Variants in RBMS3 observed in about 807,000 individuals in gnomAD.
The protein encoded by RBMS3 is RNA-binding motif, single-stranded-interacting protein 3.
In RBMS3, 27 loss-of-function variants were observed where a neutral mutation model predicts 66.8. That is an observed-to-expected ratio of 0.40 (90% CI 0.30 to 0.56). RBMS3 has a LOEUF of 0.56. Among genes scored for constraint, RBMS3 ranks in the 20% least tolerant of loss-of-function variants. The pLI is 0.40. For missense variants in RBMS3, 513 were observed against 549.5 expected, an observed-to-expected ratio of 0.93 and a Z score of 0.66; for synonymous variants, 188 against 183.0, an observed-to-expected ratio of 1.03 and a Z score of -0.22.
intron 14 of RBMS3, among the ~76,000 whole-genome samples, chr3:29,999,115 C>T (rs1699445348): frequency 6.6e-6 from 1 of 151,444 alleles, no homozygotes; most frequent in Admixed American, 6.6e-5. Context: ...TATGATCAGA[C>T]ACTTCTCAAA....
intron 3 of RBMS3, among the ~76,000 whole-genome samples, chr3:29,506,884 G>T (rs149970707): frequency 1.3e-5 from 2 of 151,610 alleles, no homozygotes; most frequent in Non-Finnish European, 3.0e-5. Context: ...GTTCATAGAA[G>T]TCTCCTATGA....
chr3:29,663,764 A>T (rs939055918), intron 4 of RBMS3, among the ~76,000 whole-genome samples: 1 of 152,198 alleles, frequency 6.6e-6, no homozygotes, highest in African/African-American at 2.4e-5. Flanking sequence ...TTTAAAAAAA[A>T]ATTATATTTC....
chr3:29,614,602 G>A (rs1310946602), intron 4 of RBMS3: 1 of 152,072 alleles, frequency 6.6e-6, no homozygotes, highest in African/African-American at 2.4e-5. Flanking sequence ...AAATCAATGG[G>A]AGAAGGATGG....
At chr3:29,806,946 T>G (rs562918836) in intron 6 of RBMS3, among the ~76,000 whole-genome samples, 1 of 152,066 alleles carries the variant, frequency 6.6e-6, no homozygotes, top group African/African-American at 2.4e-5. Context: ...TTTCCAATAT[T>G]ATAAACGTCT....
chr3:29,952,409 A>C (rs1024006740), intron 12 of RBMS3, among the ~76,000 whole-genome samples: 1 of 151,880 alleles, frequency 6.6e-6, no homozygotes, highest in Admixed American at 6.6e-5. Context: ...TGTTTCTTGC[A>C]TGCAGCAGTT....
chr3:29,360,467 C>G (rs2037507569), intron 1 of RBMS3, among the ~76,000 whole-genome samples: 1 of 151,924 alleles, frequency 6.6e-6, no homozygotes, highest in African/African-American at 2.4e-5. Context: ...TTACTTCCAA[C>G]TATGTGGTCA....
intron 6 of RBMS3, among the ~76,000 whole-genome samples, chr3:29,797,036 T>C (rs1330633408): frequency 6.6e-6 from 1 of 152,046 alleles, no homozygotes; most frequent in African/African-American, 2.4e-5. Flanking sequence ...TTAGTCACCA[T>C]TCCATTAGCC....
intron 8 of RBMS3, among the ~76,000 whole-genome samples, chr3:29,888,911 C>A (rs1239349740): frequency 6.6e-6 from 1 of 151,518 alleles, no homozygotes; most frequent in African/African-American, 2.4e-5. Context: ...TTATTCATTA[C>A]CATTTCCTAC....
intron 6 of RBMS3, among the ~76,000 whole-genome samples, chr3:29,797,362 G>A (rs370700183): frequency 3.4e-4 from 52 of 152,140 alleles, no homozygotes; most frequent in African/African-American, 1.1e-3. Context: ...CTCACCTCTC[G>A]TAGCCTTCAT....
chr3:29,717,244 A>T (rs775911286), intron 4 of RBMS3, among the ~76,000 whole-genome samples: 34 of 152,124 alleles, frequency 2.2e-4, no homozygotes, highest in African/African-American at 4.8e-5. Flanking sequence ...TAAGTGCTCA[A>T]TAAAGAGTTG....
chr3:29,933,700 T>C (rs1400950788), intron 10 of RBMS3: 2 of 152,166 alleles, frequency 1.3e-5, no homozygotes, highest in Non-Finnish European at 2.9e-5. Flanking sequence ...ACTGTTCATT[T>C]ATGTGCAGTA....
intron 3 of RBMS3, among the ~76,000 whole-genome samples, chr3:29,574,343 C>T (rs1160463232): frequency 6.6e-6 from 1 of 152,020 alleles, no homozygotes; most frequent in Non-Finnish European, 1.5e-5. Flanking sequence ...CAGTTTTTGT[C>T]TTGAAATCCA....
intron 3 of RBMS3, among the ~76,000 whole-genome samples, chr3:29,581,095 C>G (rs1489703081): frequency 2.0e-5 from 3 of 152,160 alleles, no homozygotes. Context: ...TCAGCAGGAA[C>G]TATCTTTTGC....
intron 4 of RBMS3, among the ~76,000 whole-genome samples, chr3:29,689,100 AATAGATATAGATATAGAT>A (rs11271452): frequency 0.58 from 87,753 of 151,494 alleles, 25,576 homozygotes; most frequent in African/African-American, 0.63. Context: ...CCTATATAGA[AATAGATATAGATATAGAT>A]ATAGATATAG....
chr3:29,370,280 T>C (rs1295529703), intron 1 of RBMS3, among the ~76,000 whole-genome samples: 3 of 152,210 alleles, frequency 2.0e-5, no homozygotes, highest in Non-Finnish European at 4.4e-5. Context: ...GTTTGAGATA[T>C]AGTCATAATA....
chr3:30,003,531 T>C (rs540081880), intron 14 of RBMS3, among the ~76,000 whole-genome samples: 1 of 152,128 alleles, frequency 6.6e-6, no homozygotes, highest in South Asian at 2.1e-4. Flanking sequence ...TAGTAAAGAA[T>C]CTCATATTTG....
intron 1 of RBMS3, among the ~76,000 whole-genome samples, chr3:29,407,389 C>T (rs1043269729): frequency 6.6e-6 from 1 of 152,086 alleles, no homozygotes; most frequent in African/African-American, 2.4e-5. Context: ...TTCAGAGTCC[C>T]CATTTCTTAC....
chr3:29,861,247 AT>A (rs1430284862), intron 6 of RBMS3, among the ~76,000 whole-genome samples: 9 of 152,128 alleles, frequency 5.9e-5, no homozygotes, highest in African/African-American at 2.2e-4. Flanking sequence ...GTCTACTCTT[AT>A]ACTAAGATTT....
chr3:29,773,780 T>C (rs1313858490), intron 6 of RBMS3, among the ~76,000 whole-genome samples: 3 of 152,094 alleles, frequency 2.0e-5, no homozygotes, highest in Non-Finnish European at 2.9e-5. Context: ...AAACAGTGAT[T>C]GACAGCTGTT....
Sources: allele counts gnomAD v4.1 joint callset (sites outside exome capture counted in the v4.1 genomes callset), GRCh38; gene constraint gnomAD v4.1.1; transcripts MANE v1.5; gene names NCBI Gene and HGNC (gene_info 2026-07-23, HGNC 2026-07-21).